Variants in KTN1 observed in about 807,000 individuals in gnomAD.
KTN1 encodes kinectin.
In KTN1, 130 loss-of-function variants were observed where a neutral mutation model predicts 222.5. The ratio of observed to expected loss-of-function variants is 0.58; its 90% CI spans 0.51 to 0.68. The LOEUF (loss-of-function observed/expected upper bound fraction) is 0.68, where lower values mean the gene tolerates loss of function less well. KTN1 is among the 30% of genes least tolerant of loss of function. The pLI is 0.00. For missense variants in KTN1, 1,508 were observed against 1,500.4 expected (o/e 1.01, Z -0.08); for synonymous variants, 512 against 496.3 (o/e 1.03, Z -0.42).
intron 5 of KTN1, among the ~76,000 whole-genome samples, chr14:55,622,225 CAA>C (rs1160767068): frequency 6.6e-6 from 1 of 152,100 alleles, no homozygotes; most frequent in Non-Finnish European, 1.5e-5. Flanking sequence ...GTGCTAAAGT[CAA>C]AGTCAGGTGA....
rs564744260 is a variant in KTN1, at chr14:55,630,060, A to C, written c.1184A>C (p.His395Pro). 3 of 1,609,812 alleles carry C rather than the reference A, an allele frequency of 1.9e-6. No individual in the cohort carries two copies. The highest frequency in any genetic ancestry group is 2.6e-6 in the Non-Finnish European group (3 of 1,176,346). The stretch of plus-strand genomic sequence containing the variant: ...CATAATGTATTTCAAAACAAAATAC[A>C]TGTCAGTTATCAAGAGACTCAACAG... ...KEHNVFQNKI[H>P]VSYQETQQMQ... The change falls in exon 7 of 44, where the codon CAT becomes CCT. Residue 395 changes from histidine (H) to proline (P), a missense_variant. Physicochemically the swap from His to Pro is moderately conservative, Grantham distance 77. Coordinates refer to ENST00000395314, the MANE Select transcript of KTN1 (RefSeq NM_001079521.2).
intron 40 of KTN1, chr14:55,674,150 GTATCC>G (rs1305019151): frequency 6.6e-6 from 1 of 152,036 alleles, no homozygotes; most frequent in African/African-American, 2.4e-5. Flanking sequence ...TTTGTGGTTG[GTATCC>G]TATGTTATGG....
At position 55,646,487 on chromosome 14, in the gene KTN1, TTCC is replaced by T. The variant is rs1410184972; in HGVS notation, c.2173-484_2173-482del. On this transcript the variant is annotated intron_variant, in intron 18 of 43. Transcript: ENST00000395314. ...TTCCTTTCCTTTCCTTTCCTTTCCT[TTCC>T]TTTCCTTTCCTTTCCTTTCCTTTCC... Among the ~76,000 whole-genome samples the T allele has an allele frequency of 9.9e-3, 962 of 97,614 alleles. 30 individuals carry two copies. The highest frequency in any genetic ancestry group is 0.013 in the African/African-American group (295 of 22,832). 64.0% of individuals were successfully genotyped at this position (97,614 alleles called of 152,430 possible).
At chr14:55,640,520 C>G (rs2041668760) in intron 15 of KTN1, 78 bp downstream of exon 15, 1 of 970,814 alleles carries the variant, frequency 1.0e-6, no homozygotes, top group African/African-American at 1.7e-5. Context: ...ATTGTGAGCC[C>G]CAATTTGATT....
At chr14:55,605,339 G>A (rs2036572003) in intron 1 of KTN1, among the ~76,000 whole-genome samples, 2 of 152,158 alleles carry the variant, frequency 1.3e-5, no homozygotes, top group Non-Finnish European at 2.9e-5. Flanking sequence ...TGCAGTTGGA[G>A]ATCTAATTCT....
chr14:55,646,436 C>CTTTTCCTTTTCCTTTTCCT (rs199500080), intron 18 of KTN1, among the ~76,000 whole-genome samples: 1 of 96,876 alleles, frequency 1.0e-5, no homozygotes, highest in African/African-American at 4.3e-5. Flanking sequence ...CCTTCCTTTC[C>CTTTTCCTTTTCCTTTTCCT]TTTCCTTTTC....
chr14:55,599,554 C>G (rs373232256), intron 1 of KTN1, among the ~76,000 whole-genome samples: 1 of 151,024 alleles, frequency 6.6e-6, no homozygotes, highest in African/African-American at 2.4e-5. Context: ...CAACCTCTGC[C>G]GCACAGAAGC....
intron 20 of KTN1, 36 bp from the exon 21 acceptor site, chr14:55,648,766 G>C (rs757457664): frequency 1.2e-5 from 17 of 1,368,480 alleles, no homozygotes; most frequent in Middle Eastern, 3.6e-4. Context: ...TTTTCAGAGA[G>C]TAAAATCATG....
chr14:55,676,297 T>C (rs932602083), intron 41 of KTN1, among the ~76,000 whole-genome samples: 7 of 152,016 alleles, frequency 4.6e-5, no homozygotes, highest in Admixed American at 1.3e-4. Context: ...AAATTTCTAT[T>C]TTTTTTAGAT....
intron 21 of KTN1, among the ~76,000 whole-genome samples, chr14:55,649,119 G>T (rs1269479017): frequency 6.6e-6 from 1 of 152,050 alleles, no homozygotes; most frequent in Non-Finnish European, 1.5e-5. Context: ...TAGAGATAGG[G>T]TCTCGACATG....
intron 43 of KTN1, chr14:55,680,612 A>C: frequency 7.6e-6 from 6 of 786,376 alleles, no homozygotes; most frequent in Non-Finnish European, 1.0e-5. Flanking sequence ...GGCCTCAGGG[A>C]GAGCTTAGGT....
chr14:55,641,644 A>G, intron 17 of KTN1, 48 bp from the exon 18 acceptor site: 2 of 1,162,928 alleles, frequency 1.7e-6, no homozygotes, highest in South Asian at 2.5e-5. Flanking sequence ...TGATTGCTTT[A>G]TTACCTTTTT....
chr14:55,650,238 G>A, intron 22 of KTN1, 90 bp from the exon 23 acceptor site: 1 of 800,400 alleles, frequency 1.2e-6, no homozygotes, highest in Non-Finnish European at 2.0e-6. Context: ...GGGTTGATTT[G>A]GAGAGCCATT....
At chr14:55,600,703 T>A (rs926196738) in intron 1 of KTN1, among the ~76,000 whole-genome samples, 1 of 152,040 alleles carries the variant, frequency 6.6e-6, no homozygotes, top group Non-Finnish European at 1.5e-5. Context: ...GGTGTAGCTG[T>A]TTTACGGTAT....
At chr14:55,618,477 G>C (rs1406954850) in intron 4 of KTN1, among the ~76,000 whole-genome samples, 1 of 151,994 alleles carries the variant, frequency 6.6e-6, no homozygotes, top group Admixed American at 6.6e-5. Flanking sequence ...AAATTCATTG[G>C]AAAGTTCAGA....
At chr14:55,624,163 G>A (rs982668101) in intron 5 of KTN1, among the ~76,000 whole-genome samples, 1 of 152,162 alleles carries the variant, frequency 6.6e-6, no homozygotes, top group African/African-American at 2.4e-5. Flanking sequence ...TGCCTTTGTA[G>A]GTCTCCTGAA....
chr14:55,619,415 A>T lies in KTN1; in HGVS notation c.963+103A>T, dbSNP rs535350912. The T allele has an allele frequency of 3.3e-5, 33 of 1,011,596 alleles. No individual in the cohort carries two copies. In the African/African-American group the frequency reaches 5.3e-4, roughly 16 times the overall value. 62.7% of individuals were successfully genotyped at this position (1,011,596 alleles called of 1,614,324 possible). ...ATTAATATCTACTCCCATCCTTAAC[A>T]TCTCAGAACATACATCTGGAATGCC... On this transcript the variant is annotated intron_variant, in intron 5 of 43. Coordinates refer to ENST00000395314, the MANE Select transcript of KTN1 (RefSeq NM_001079521.2).
chr14:55,634,456 A>T, intron 8 of KTN1, 70 bp from the exon 9 acceptor site: 1 of 1,393,156 alleles, frequency 7.2e-7, no homozygotes, highest in Non-Finnish European at 9.6e-7. Context: ...AAACTAACAA[A>T]GTATGTTTTG....
At chr14:55,659,307 GTTTTTTTT>G (rs772118269) in intron 30 of KTN1, among the ~76,000 whole-genome samples, 1 of 120,648 alleles carries the variant, frequency 8.3e-6, no homozygotes, top group Non-Finnish European at 1.8e-5. Flanking sequence ...TTTGATTTCT[GTTTTTTTT>G]TTTTTTTTTT....
Sources: gnomAD v4.1 joint callset for allele counts (sites outside exome capture counted in the v4.1 genomes callset) on GRCh38, gnomAD v4.1.1 for gene constraint, MANE v1.5 for transcripts, NCBI Gene and HGNC (gene_info 2026-07-23, HGNC 2026-07-21) for gene names.